STK3: variants seen among roughly 807,000 people sequenced by gnomAD.
STK3 encodes the protein serine/threonine kinase 3, also known as serine/threonine-protein kinase 3.
STK3 carries 41 observed loss-of-function variants against 58.0 expected under a neutral mutation model. The ratio of observed to expected loss-of-function variants is 0.71; its 90% CI spans 0.55 to 0.92. The LOEUF (loss-of-function observed/expected upper bound fraction) is 0.92. Among genes scored for constraint, STK3 ranks in the 40% least tolerant of loss-of-function variants. STK3 has a pLI of 0.00. For missense variants in STK3, 479 were observed against 602.7 expected (o/e 0.79, Z 2.15); for synonymous variants, 170 against 191.0 (o/e 0.89, Z 0.91).
At chr8:98,432,275 G>A (rs1818346435) in intron 3 of STK3, 1 of 167,008 alleles carries the variant, frequency 6.0e-6, no homozygotes, top group Non-Finnish European at 1.5e-5. Flanking sequence ...GTAGAAACTG[G>A]AGATGACTTG....
chr8:98,712,253 T>A (rs561769852), intron 4 of STK3, among the ~76,000 whole-genome samples: 5 of 152,268 alleles, frequency 3.3e-5, no homozygotes, highest in South Asian at 2.1e-4. Flanking sequence ...GCTAACATCA[T>A]AATGACAGGA....
At chr8:98,433,472 G>A (rs1413681525) in intron 3 of STK3, among the ~76,000 whole-genome samples, 3 of 152,142 alleles carry the variant, frequency 2.0e-5, no homozygotes, top group African/African-American at 4.8e-5. Context: ...ATGGTGAATC[G>A]GTAGGAAGGC....
chr8:98,396,372 T>G (rs573772909), intron 3 of STK3, among the ~76,000 whole-genome samples: 1 of 152,240 alleles, frequency 6.6e-6, no homozygotes, highest in Non-Finnish European at 1.5e-5. Context: ...ATGCTTATTG[T>G]GTCTACTGGG....
At chr8:98,850,885 A>G (rs970686480) in intron 3 of STK3, among the ~76,000 whole-genome samples, 5 of 152,094 alleles carry the variant, frequency 3.3e-5, no homozygotes, top group South Asian at 4.2e-4. Context: ...CTTCAGAATC[A>G]AGAAGATTGT....
chr8:98,540,286 A>T (rs1810132011), intron 9 of STK3, among the ~76,000 whole-genome samples: 1 of 152,192 alleles, frequency 6.6e-6, no homozygotes, highest in Admixed American at 6.5e-5. Flanking sequence ...TAGAGTTTTT[A>T]AATTTTAAAA....
At chr8:98,642,930 A>C (rs1820132191) in intron 6 of STK3, among the ~76,000 whole-genome samples, 1 of 152,210 alleles carries the variant, frequency 6.6e-6, no homozygotes, top group South Asian at 2.1e-4. Context: ...CTATTTCTAA[A>C]AGAACAATTA....
chr8:98,800,552 G>A lies in STK3; in HGVS notation c.26+24963C>T, dbSNP rs577800408. On this transcript the variant is annotated intron_variant, in intron 1 of 10. Coordinates refer to ENST00000419617, the MANE Select transcript of STK3 (RefSeq NM_006281.4). The surrounding 1 kb of genome is among the most constrained non-coding windows in gnomAD (Gnocchi z 4.8). ...GCCCCTCTCTGGGCTGGCCAAGGCC[G>A]GAGCCGGCTCCCTCTGCTTGCGGGA... Among the ~76,000 whole-genome samples, 6 of 152,370 alleles carry A rather than the reference G, an allele frequency of 3.9e-5. No homozygotes were observed. Among genetic ancestry groups the A allele is most frequent in the East Asian group, 1.9e-4 (1 of 5,186 alleles).
intron 1 of STK3, among the ~76,000 whole-genome samples, chr8:98,795,745 G>A (rs186184418): frequency 2.6e-4 from 40 of 152,046 alleles, no homozygotes; most frequent in African/African-American, 4.8e-5. Context: ...CACCAGTAAC[G>A]TTCCAGCTGA....
intron 3 of STK3, among the ~76,000 whole-genome samples, chr8:98,402,566 C>T (rs1817954411): frequency 6.6e-6 from 1 of 152,176 alleles, no homozygotes; most frequent in South Asian, 2.1e-4. Flanking sequence ...CTCCGTGTCC[C>T]CTCCGGGACG....
chr8:98,584,345 G>A (rs577126317), intron 7 of STK3, among the ~76,000 whole-genome samples: 11 of 151,106 alleles, frequency 7.3e-5, no homozygotes, highest in Admixed American at 5.3e-4. Context: ...GAGAATATAC[G>A]GTGTTTGGTT....
At chr8:98,617,236 C>T (rs1174332030) in intron 6 of STK3, among the ~76,000 whole-genome samples, 2 of 149,018 alleles carry the variant, frequency 1.3e-5, no homozygotes, top group Non-Finnish European at 3.0e-5. Context: ...GAAATGAAGG[C>T]AGAAATAAAG....
chr8:98,717,764 T>C (rs376153101), intron 4 of STK3, among the ~76,000 whole-genome samples: 14 of 152,214 alleles, frequency 9.2e-5, no homozygotes, highest in African/African-American at 3.4e-4. Flanking sequence ...ATAGTAGCAT[T>C]ATTCACAATG....
At chr8:98,913,797 G>C (rs569093673) in intron 1 of STK3, among the ~76,000 whole-genome samples, 4 of 152,364 alleles carry the variant, frequency 2.6e-5, no homozygotes, top group African/African-American at 9.6e-5. Context: ...TGAGAACAGA[G>C]TTCTCCAAGG....
At chr8:98,754,575 T>C (rs1482797364) in intron 3 of STK3, among the ~76,000 whole-genome samples, 1 of 152,028 alleles carries the variant, frequency 6.6e-6, no homozygotes, top group African/African-American at 2.4e-5. Flanking sequence ...AGTGGCACCA[T>C]GTCGGCTCAC....
At chr8:98,934,233 A>C (rs112219823) in intron 1 of STK3, among the ~76,000 whole-genome samples, 5 of 152,262 alleles carry the variant, frequency 3.3e-5, no homozygotes, top group Non-Finnish European at 5.9e-5. Flanking sequence ...TTCATTTCCT[A>C]TTCCATCTTC....
chr8:98,635,422 GATAGAAAGGTTAAATAACTTGCCCTCAA>G (rs1221313503), intron 6 of STK3, among the ~76,000 whole-genome samples: 1 of 152,068 alleles, frequency 6.6e-6, no homozygotes, highest in Non-Finnish European at 1.5e-5. Context: ...AAAACTGAGG[GATAGAAAGGTTAAATAACTTGCCCTCAA>G]ATACTCAGCA....
intron 6 of STK3, among the ~76,000 whole-genome samples, chr8:98,699,045 G>A (rs1355625404): frequency 6.6e-6 from 1 of 152,190 alleles, no homozygotes; most frequent in Admixed American, 6.5e-5. Flanking sequence ...CATATTTCTT[G>A]GAGGCTTTGT....
chr8:98,402,352 A>C (rs1035578677), intron 3 of STK3, among the ~76,000 whole-genome samples: 6 of 152,152 alleles, frequency 3.9e-5, no homozygotes, highest in Non-Finnish European at 1.5e-5. Flanking sequence ...GCATATCTTG[A>C]GCCAGATCTA....
rs533204938 is a variant in STK3, at chr8:98,657,283, G to A, written c.684+49184C>T. On this transcript the variant is annotated intron_variant, in intron 6 of 10. Transcript: ENST00000419617. ...ATCATTCAATCACAAACAACCCTTC[G>A]AGATAGTTACTATGAAAATAAAAAT... Among the ~76,000 whole-genome samples the A allele has an allele frequency of 2.6e-5, 4 of 152,036 alleles. No individual in the cohort carries two copies. The East Asian group carries it at 7.7e-4, about 29-fold the overall frequency.
Sources: gnomAD v4.1 joint callset for allele counts (sites outside exome capture counted in the v4.1 genomes callset) on GRCh38, gnomAD v4.1.1 for gene constraint, Gnocchi (gnomAD v3.1) non-coding constraint, MANE v1.5 for transcripts, NCBI Gene and HGNC (gene_info 2026-07-23, HGNC 2026-07-21) for gene names.